The following OTUD7A variants were observed in gnomAD, a reference collection of about 807,000 sequenced individuals.
The protein encoded by OTUD7A is OTU deubiquitinase 7A.
OTUD7A carries 12 observed loss-of-function variants against 65.7 expected under a neutral mutation model. That is an observed-to-expected ratio of 0.18 (90% CI 0.12 to 0.30). The LOEUF is 0.30. OTUD7A is among the 10% of genes least tolerant of loss of function. OTUD7A has a pLI of 1.00. For missense variants in OTUD7A, 1,148 were observed against 1,304.8 expected, an observed-to-expected ratio of 0.88 and a Z score of 1.85; for synonymous variants, 641 against 586.3, an observed-to-expected ratio of 1.09 and a Z score of -1.35.
At chr15:31,726,462 G>A (rs2141355143) in intron 1 of OTUD7A, among the ~76,000 whole-genome samples, 1 of 151,980 alleles carries the variant, frequency 6.6e-6, no homozygotes, top group East Asian at 1.9e-4. Flanking sequence ...GTGTAGCTAA[G>A]AAGAAAGGAA....
At chr15:31,553,593 G>C (rs564821347) in intron 5 of OTUD7A, among the ~76,000 whole-genome samples, 1 of 152,040 alleles carries the variant, frequency 6.6e-6, no homozygotes, top group East Asian at 1.9e-4. Context: ...CCTTCCTCCA[G>C]GGGTCTGCAT....
chr15:31,559,969 G>C (rs1403487419), intron 4 of OTUD7A, among the ~76,000 whole-genome samples: 2 of 152,192 alleles, frequency 1.3e-5, no homozygotes, highest in African/African-American at 2.4e-5. Flanking sequence ...TTATTCACAA[G>C]AGTCATGAAA....
At chr15:31,518,904 G>T (rs1176917054) in intron 8 of OTUD7A, among the ~76,000 whole-genome samples, 1 of 152,244 alleles carries the variant, frequency 6.6e-6, no homozygotes, top group Non-Finnish European at 1.5e-5. Context: ...AGGCTAGCAG[G>T]GACTCTGCTA....
At chr15:31,725,418 T>G (rs1893857576) in intron 1 of OTUD7A, among the ~76,000 whole-genome samples, 2 of 151,828 alleles carry the variant, frequency 1.3e-5, no homozygotes, top group Non-Finnish European at 2.9e-5. Context: ...AGCCCATGGG[T>G]CTCCAGACTC....
chr15:31,867,716 GTC>G (rs1212351783), intron 1 of OTUD7A, among the ~76,000 whole-genome samples: 2 of 152,174 alleles, frequency 1.3e-5, no homozygotes, highest in Admixed American at 1.3e-4. Flanking sequence ...CACTTCCGCA[GTC>G]TGAGAAGGCA....
At chr15:31,800,035 G>T (rs905930323) in intron 1 of OTUD7A, among the ~76,000 whole-genome samples, 2 of 152,108 alleles carry the variant, frequency 1.3e-5, no homozygotes, top group Non-Finnish European at 2.9e-5. Flanking sequence ...ACCAGAAACC[G>T]CAGAAAGTGA....
chr15:31,852,164 C>G (rs1405803092), intron 1 of OTUD7A, among the ~76,000 whole-genome samples: 2 of 152,194 alleles, frequency 1.3e-5, no homozygotes, highest in Non-Finnish European at 2.9e-5. Flanking sequence ...GCCCTGACTG[C>G]CTTTTAACGC....
In OTUD7A at chr15:31,478,445, C is replaced by T. The variant is rs2041058811; in HGVS notation, c.*4849G>A. The T allele has an allele frequency of 1.3e-5, 2 of 152,144 alleles. No individual in the cohort carries two copies. Among genetic ancestry groups the T allele is most frequent in the East Asian group, 1.9e-4 (1 of 5,196 alleles). 9.4% of individuals were successfully genotyped at this position (152,144 alleles called of 1,614,324 possible). A position where few individuals can be genotyped will look rare whatever the true frequency, so the allele number is the denominator to read the frequency against. ...ACATAATTAGGATTAGTGAGGCCCCCTTTTTTGGCAAGATTAAAATAGCAA... is the reference window on the plus strand; with the variant it reads ...ACATAATTAGGATTAGTGAGGCCCCTTTTTTTGGCAAGATTAAAATAGCAA... On this transcript the variant is annotated 3_prime_UTR_variant, in exon 13 of 13. Coordinates refer to ENST00000307050, the MANE Select transcript of OTUD7A (RefSeq NM_001382637.1).
chr15:31,614,980 A>G lies in OTUD7A; in HGVS notation c.151+40116T>C, dbSNP rs141891855. 2.7e-3 allele frequency among the ~76,000 whole-genome samples: 411 copies of G among 152,324 alleles called. 1 individual carries two copies. Among genetic ancestry groups the G allele is most frequent in the African/African-American group, 9.4e-3 (393 of 41,588 alleles). On this transcript the variant is annotated intron_variant, in intron 3 of 12. Transcript: ENST00000307050. ...GATGTATATCGTAACCTCTATCGTA[A>G]CTACCAAAAGAATAGTAAAGGAATG... is the stretch of plus-strand genomic sequence containing the variant.
intron 1 of OTUD7A, among the ~76,000 whole-genome samples, chr15:31,738,010 T>C (rs1894239721): frequency 6.6e-6 from 1 of 152,172 alleles, no homozygotes; most frequent in African/African-American, 2.4e-5. Flanking sequence ...ATAAATTGGG[T>C]GGTATTATTA....
chr15:31,509,693 A>C (rs2041648320), intron 8 of OTUD7A, among the ~76,000 whole-genome samples: 1 of 152,054 alleles, frequency 6.6e-6, no homozygotes, highest in South Asian at 2.1e-4. Flanking sequence ...TTTTGTATAT[A>C]AACTGTATAA....
intron 3 of OTUD7A, among the ~76,000 whole-genome samples, chr15:31,634,786 T>C (rs1891289256): frequency 6.6e-6 from 1 of 152,226 alleles, no homozygotes; most frequent in Non-Finnish European, 1.5e-5. Flanking sequence ...GCTTCCCCAG[T>C]GTCCTCGCCT....
chr15:31,618,484 G>C (rs1026960898), intron 3 of OTUD7A, among the ~76,000 whole-genome samples: 1 of 152,136 alleles, frequency 6.6e-6, no homozygotes, highest in Non-Finnish European at 1.5e-5. Flanking sequence ...ACTGGTGTGA[G>C]ATGGTATCTC....
At chr15:31,778,379 G>A (rs943644036) in intron 1 of OTUD7A, among the ~76,000 whole-genome samples, 4 of 152,174 alleles carry the variant, frequency 2.6e-5, no homozygotes, top group Admixed American at 6.5e-5. Flanking sequence ...TCAAAGTGAT[G>A]GGAAGGACCA....
intron 5 of OTUD7A, among the ~76,000 whole-genome samples, chr15:31,541,154 A>AT (rs1053436547): frequency 2.0e-5 from 3 of 151,718 alleles, no homozygotes; most frequent in South Asian, 2.1e-4. Flanking sequence ...AGCATGTTAA[A>AT]TTTTTTTTTG....
At chr15:31,683,418 A>C (rs751768792) in intron 1 of OTUD7A, among the ~76,000 whole-genome samples, 1 of 152,136 alleles carries the variant, frequency 6.6e-6, no homozygotes, top group Non-Finnish European at 1.5e-5. Flanking sequence ...TTGGGTTTTC[A>C]TTTTTAGTCA....
At chr15:31,613,362 T>C (rs1164564999) in intron 3 of OTUD7A, among the ~76,000 whole-genome samples, 1 of 151,976 alleles carries the variant, frequency 6.6e-6, no homozygotes, top group African/African-American at 2.4e-5. Context: ...ACAGACAACC[T>C]CCAGAGTGGG....
rs1407951307 is a variant in OTUD7A at position 31,558,959 on chromosome 15, G to C, written c.550+10C>G. ...TAAAGAGGGTGGGCCTGCTGGCAGG[G>C]GCAACTCACCTGCCTGCTCCAAAGC... On this transcript the variant is annotated intron_variant, in intron 5 of 12. Coordinates refer to ENST00000307050, the MANE Select transcript of OTUD7A (RefSeq NM_001382637.1). The C allele has an allele frequency of 6.2e-7, 1 of 1,613,826 alleles. No homozygotes were observed. The highest frequency in any genetic ancestry group is 1.3e-5 in the African/African-American group (1 of 75,040).
chr15:31,541,655 C>T lies in OTUD7A; in HGVS notation c.551-10847G>A, dbSNP rs140832757. On this transcript the variant is annotated intron_variant, in intron 5 of 12. Transcript: ENST00000307050. ...GAAAGTGTAGTAAATCTCCAACAAC[C>T]GGAAATAAATATGGGATGGAAATTA... is the stretch of plus-strand genomic sequence containing the variant. Among the ~76,000 whole-genome samples the T allele has an allele frequency of 4.2e-3, 640 of 152,122 alleles. 7 individuals carry two copies. The highest frequency in any genetic ancestry group is 0.014 in the African/African-American group (589 of 41,482).
Sources: gnomAD v4.1 joint callset for allele counts (sites outside exome capture counted in the v4.1 genomes callset) on GRCh38, gnomAD v4.1.1 for gene constraint, MANE v1.5 for transcripts, NCBI Gene and HGNC (gene_info 2026-07-23, HGNC 2026-07-21) for gene names.